The following SIPA1L3 variants were observed in gnomAD, a reference collection of about 807,000 sequenced individuals.
SIPA1L3 encodes signal-induced proliferation-associated 1-like protein 3.
In SIPA1L3, 59 loss-of-function variants were observed where a neutral mutation model predicts 150.1. That is an observed-to-expected ratio of 0.39 (90% confidence interval 0.32 to 0.49). The LOEUF is 0.49. Among genes scored for constraint, SIPA1L3 ranks in the 20% least tolerant of loss-of-function variants. SIPA1L3 has a pLI of 0.86. For missense variants in SIPA1L3, 2,211 were observed against 2,489.5 expected (o/e 0.89, Z 2.38); for synonymous variants, 1,070 against 1,077.6 (o/e 0.99, Z 0.14).
At chr19:38,148,952 C>T (rs564606256) in intron 12 of SIPA1L3, among the ~76,000 whole-genome samples, 2 of 152,264 alleles carry the variant, frequency 1.3e-5, no homozygotes, top group African/African-American at 4.8e-5. Context: ...TTCCCCAGAG[C>T]TGTGTGTGAT....
chr19:37,981,139 T>G lies in SIPA1L3; in HGVS notation c.-378-47950T>G, dbSNP rs190850220. Among the ~76,000 whole-genome samples the G allele has an allele frequency of 1.1e-3, 172 of 152,312 alleles. 2 individuals are homozygous for G. Among genetic ancestry groups the G allele is most frequent in the Non-Finnish European group, 2.4e-4 (16 of 68,024 alleles). On this transcript the variant is annotated intron_variant, in intron 1 of 21. Coordinates refer to ENST00000222345, the MANE Select transcript of SIPA1L3 (RefSeq NM_015073.3). Reference sequence around the variant, plus strand: ...ATACTTTGTTAGTATAGCTCATGATTAAAGGTTTGGGGATTCTGTGAAGTG... The same window carrying G: ...ATACTTTGTTAGTATAGCTCATGATGAAAGGTTTGGGGATTCTGTGAAGTG...
intron 16 of SIPA1L3, among the ~76,000 whole-genome samples, chr19:38,188,368 A>G (rs1972733633): frequency 6.6e-6 from 1 of 151,624 alleles, no homozygotes; most frequent in Admixed American, 6.6e-5. Context: ...TATTTTTAGT[A>G]GAGAAGGGGT....
chr19:38,074,484 C>A (rs751197766), intron 2 of SIPA1L3, among the ~76,000 whole-genome samples: 2 of 152,244 alleles, frequency 1.3e-5, no homozygotes, highest in African/African-American at 2.4e-5. Context: ...AGCCACAACA[C>A]AGGCTGGGCT....
chr19:38,150,760 C>T (rs1372435190), intron 12 of SIPA1L3, among the ~76,000 whole-genome samples: 1 of 151,742 alleles, frequency 6.6e-6, no homozygotes, highest in African/African-American at 2.4e-5. Context: ...AGGCTGGTCT[C>T]GAACTCCTGA....
chr19:37,969,418 G>A (rs959552547), intron 1 of SIPA1L3, among the ~76,000 whole-genome samples: 4 of 151,764 alleles, frequency 2.6e-5, no homozygotes, highest in Non-Finnish European at 4.4e-5. Flanking sequence ...TGGGCATGGT[G>A]GCGGGTGCCT....
chr19:38,146,782 G>A (rs1297700327), intron 12 of SIPA1L3, among the ~76,000 whole-genome samples: 1 of 152,170 alleles, frequency 6.6e-6, no homozygotes, highest in Non-Finnish European at 1.5e-5. Context: ...ATATCTCACT[G>A]TGATTTTAAT....
chr19:38,193,566 G>T lies in SIPA1L3; in HGVS notation c.4626G>T (p.Thr1542=). ...GQSPQKGLQR[T]LSDESLCSGR... ...CACCGCAGAAGGGCCTGCAGCGGAC[G>T]CTGTCGGACGAGAGCCTGTGCAGCG... The change falls in exon 18 of 22, where the codon ACG becomes ACT. Residue 1542 remains threonine, a synonymous_variant. Transcript: ENST00000222345. 1 of 1,523,558 alleles carries T rather than the reference G, an allele frequency of 6.6e-7. No individual in the cohort carries two copies. Among genetic ancestry groups the T allele is most frequent in the Non-Finnish European group, 8.7e-7 (1 of 1,145,802 alleles). The allele number at this position is 1,523,558 out of a possible 1,614,324, so 94.4% of individuals were successfully genotyped here.
intron 9 of SIPA1L3, among the ~76,000 whole-genome samples, chr19:38,120,638 T>C (rs569206053): frequency 3.3e-5 from 5 of 152,234 alleles, no homozygotes; most frequent in Non-Finnish European, 7.3e-5. Flanking sequence ...TCCATGTTAG[T>C]AATCACAGTA....
intron 1 of SIPA1L3, among the ~76,000 whole-genome samples, chr19:38,025,087 T>TA (rs1435842796): frequency 6.6e-6 from 1 of 152,128 alleles, no homozygotes; most frequent in East Asian, 1.9e-4. Flanking sequence ...CCCCCTGCCT[T>TA]ACCACCCATC....
At chr19:38,014,282 G>C (rs1031017922) in intron 1 of SIPA1L3, among the ~76,000 whole-genome samples, 1 of 152,188 alleles carries the variant, frequency 6.6e-6, no homozygotes, top group African/African-American at 2.4e-5. Flanking sequence ...ACCATGGCAG[G>C]CAATCTGACT....
At chr19:38,124,771 T>G (rs889382177) in intron 9 of SIPA1L3, among the ~76,000 whole-genome samples, 8 of 152,190 alleles carry the variant, frequency 5.3e-5, no homozygotes, top group Non-Finnish European at 7.3e-5. Flanking sequence ...AGGCTGAGGC[T>G]GGCGGATCAC....
rs1972178603 is a variant in SIPA1L3, at chr19:38,164,946, A to G, written c.4208+40A>G. The G allele has an allele frequency of 6.7e-7, 1 of 1,486,168 alleles. No individual in the cohort carries two copies. 92.1% of individuals were successfully genotyped at this position (1,486,168 alleles called of 1,614,324 possible). On this transcript the variant is annotated intron_variant, in intron 15 of 21. Coordinates refer to ENST00000222345, the MANE Select transcript of SIPA1L3 (RefSeq NM_015073.3). This position sits in a 1 kb window ranked among gnomAD's most constrained non-coding sequence, Gnocchi z 4.1. ...CTAGTCTGGGTTCTAACCACCTTCC[A>G]CTTCGCCAGTTCTACTTTTACGGTC... is the stretch of plus-strand genomic sequence containing the variant.
At chr19:38,150,439 C>T (rs1446086607) in intron 12 of SIPA1L3, among the ~76,000 whole-genome samples, 1 of 151,900 alleles carries the variant, frequency 6.6e-6, no homozygotes, top group Admixed American at 6.6e-5. Flanking sequence ...CTTGGGGGAT[C>T]CTAGTTTATC....
At chr19:38,005,689 A>G (rs1306773729) in intron 1 of SIPA1L3, among the ~76,000 whole-genome samples, 1 of 152,204 alleles carries the variant, frequency 6.6e-6, no homozygotes, top group African/African-American at 2.4e-5. Flanking sequence ...TCCACCAAAT[A>G]TGCTCCTTAC....
At chr19:38,205,656 CTCCTG>C (rs1973193983) in intron 21 of SIPA1L3, among the ~76,000 whole-genome samples, 1 of 152,140 alleles carries the variant, frequency 6.6e-6, no homozygotes, top group Non-Finnish European at 1.5e-5. Flanking sequence ...GGGCTACGTC[CTCCTG>C]GAAGAAGGGG....
In SIPA1L3 at chr19:38,076,213, C is replaced by A. The variant is rs561666395; in HGVS notation, c.-310-5043C>A. Among the ~76,000 whole-genome samples, 7 of 152,038 alleles carry A rather than the reference C, an allele frequency of 4.6e-5. No individual in the cohort carries two copies. In the South Asian group the frequency reaches 1.5e-3, roughly 32 times the overall value. ...TAAAATGTTAGGTATGTCATGAATACATAAAATATATGTACATTAGTCTAT... is the reference window on the plus strand; with the variant it reads ...TAAAATGTTAGGTATGTCATGAATAAATAAAATATATGTACATTAGTCTAT... On this transcript the variant is annotated intron_variant, in intron 2 of 21. Transcript: ENST00000222345.
At chr19:38,136,172 T>G (rs1600119209) in intron 10 of SIPA1L3, among the ~76,000 whole-genome samples, 12 of 41,406 alleles carry the variant, frequency 2.9e-4, no homozygotes, top group East Asian at 2.0e-3. Flanking sequence ...GGCAAGAGAG[T>G]GAGACTGTCT....
chr19:38,138,822 T>A lies in SIPA1L3; in HGVS notation c.3144-2362T>A, dbSNP rs369721074. ...CTGAGGCAGGAGAATCGCTTGAACC[T>A]GGGAGGCAGAGGTTGCAGTGAGCCG... is the stretch of plus-strand genomic sequence containing the variant. On this transcript the variant is annotated intron_variant, in intron 10 of 21. Transcript: ENST00000222345. Among the ~76,000 whole-genome samples the A allele has an allele frequency of 3.8e-4, 55 of 144,966 alleles. No individual in the cohort carries two copies. In the East Asian group the frequency reaches 0.011, roughly 29 times the overall value.
intron 9 of SIPA1L3, among the ~76,000 whole-genome samples, chr19:38,129,422 G>A (rs1380205245): frequency 1.3e-5 from 2 of 151,782 alleles, no homozygotes; most frequent in Non-Finnish European, 2.9e-5. Flanking sequence ...TCAGGAGTTC[G>A]AGACCAGCCT....
Sources: allele counts gnomAD v4.1 joint callset (sites outside exome capture counted in the v4.1 genomes callset), GRCh38; gene constraint gnomAD v4.1.1; non-coding constraint Gnocchi (gnomAD v3.1); transcripts MANE v1.5; gene names NCBI Gene and HGNC (gene_info 2026-07-23, HGNC 2026-07-21).